The following PALM2AKAP2 variants were observed in gnomAD, a reference collection of about 807,000 sequenced individuals.
PALM2AKAP2 encodes PALM2 and AKAP2 fusion, also known as PALM2-AKAP2 fusion protein.
In PALM2AKAP2, 37 loss-of-function variants were observed where a neutral mutation model predicts 71.5. The ratio of observed to expected loss-of-function variants is 0.52; its 90% confidence interval spans 0.40 to 0.68. The LOEUF is 0.68. Ranked by LOEUF, PALM2AKAP2 falls within the 30% of genes least tolerant of loss-of-function variation. PALM2AKAP2 has a pLI of 0.00. For synonymous variants in PALM2AKAP2, 468 were observed against 478.8 expected, an observed-to-expected ratio of 0.98 and a Z score of 0.29; for missense variants, 1,224 against 1,191.8, an observed-to-expected ratio of 1.03 and a Z score of -0.40.
intron 1 of PALM2AKAP2, among the ~76,000 whole-genome samples, chr9:109,667,052 AC>A (rs1356045607): frequency 6.6e-6 from 1 of 152,218 alleles, no homozygotes; most frequent in Non-Finnish European, 1.5e-5. Context: ...GCATCTAAGT[AC>A]CAGGATTCAG....
intron 1 of PALM2AKAP2, among the ~76,000 whole-genome samples, chr9:109,824,702 A>G (rs1828097305): frequency 1.3e-5 from 2 of 152,230 alleles, no homozygotes; most frequent in Admixed American, 1.3e-4. Context: ...TAGGTCATTC[A>G]AAAACAGGCA....
chr9:109,765,688 G>A (rs1829140746), intron 1 of PALM2AKAP2: 1 of 152,208 alleles, frequency 6.6e-6, no homozygotes, highest in Non-Finnish European at 1.5e-5. Context: ...GCCTTGATCT[G>A]TGCTTCTCAA....
intron 7 of PALM2AKAP2, among the ~76,000 whole-genome samples, chr9:110,036,931 T>C (rs182334086): frequency 3.6e-4 from 55 of 152,304 alleles, no homozygotes; most frequent in Middle Eastern, 3.4e-3. Context: ...TTCTTGACCA[T>C]TACATAAAAT....
chr9:109,821,990 A>G (rs1003514034), intron 1 of PALM2AKAP2, among the ~76,000 whole-genome samples: 16 of 152,342 alleles, frequency 1.1e-4, no homozygotes, highest in African/African-American at 3.8e-4. Context: ...TCTCTTATTC[A>G]TCCACTGCCC....
chr9:110,119,203 T>C (rs1228518706), intron 1 of PALM2AKAP2, among the ~76,000 whole-genome samples: 2 of 150,950 alleles, frequency 1.3e-5, no homozygotes, highest in Admixed American at 1.3e-4. Context: ...ATTAGCTGGG[T>C]GTGGTGGTGG....
intron 1 of PALM2AKAP2, among the ~76,000 whole-genome samples, chr9:109,682,696 G>A (rs931002284): frequency 6.6e-6 from 1 of 152,126 alleles, no homozygotes; most frequent in Non-Finnish European, 1.5e-5. Flanking sequence ...TTCTCTGTCA[G>A]GTTTCCAGAA....
At chr9:109,747,704 C>T (rs890434275) in intron 1 of PALM2AKAP2, among the ~76,000 whole-genome samples, 1 of 152,090 alleles carries the variant, frequency 6.6e-6, no homozygotes, top group Non-Finnish European at 1.5e-5. Context: ...GAGTCTCACT[C>T]TGTCACCCAG....
intron 2 of PALM2AKAP2, among the ~76,000 whole-genome samples, chr9:109,873,065 T>G (rs926683364): frequency 6.6e-6 from 1 of 151,100 alleles, no homozygotes; most frequent in Admixed American, 6.6e-5. Context: ...AAGGAAAGAG[T>G]GGGAAGGATA....
At chr9:109,719,307 A>G (rs1828372199) in intron 1 of PALM2AKAP2, among the ~76,000 whole-genome samples, 1 of 152,224 alleles carries the variant, frequency 6.6e-6, no homozygotes, top group Admixed American at 6.5e-5. Context: ...GGTACAATAC[A>G]TGAGAGCACT....
At chr9:110,085,357 G>A (rs1165168719) in intron 1 of PALM2AKAP2, among the ~76,000 whole-genome samples, 1 of 152,168 alleles carries the variant, frequency 6.6e-6, no homozygotes, top group Non-Finnish European at 1.5e-5. Flanking sequence ...TGGGATACAG[G>A]AAACCAGGGA....
chr9:109,926,301 A>C (rs536553544), intron 5 of PALM2AKAP2, among the ~76,000 whole-genome samples: 1 of 152,342 alleles, frequency 6.6e-6, no homozygotes, highest in East Asian at 1.9e-4. Flanking sequence ...CCCTAGCAAG[A>C]GACCTGGATT....
At chr9:109,672,819 C>T (rs772786474) in intron 1 of PALM2AKAP2, among the ~76,000 whole-genome samples, 13 of 151,698 alleles carry the variant, frequency 8.6e-5, no homozygotes, top group African/African-American at 2.4e-4. Context: ...CATTTCTTCC[C>T]GGATCAGTCT....
chr9:109,953,855 A>AAAG (rs397963535), intron 6 of PALM2AKAP2, among the ~76,000 whole-genome samples: 1 of 150,606 alleles, frequency 6.6e-6, no homozygotes, highest in African/African-American at 2.4e-5. Context: ...AAAAAAAAAA[A>AAAG]GAAAAGAAAG....
rs7850586 is a variant in PALM2AKAP2, at chr9:109,703,506, C to G, written c.5+62640C>G. On this transcript the variant is annotated intron_variant, in intron 1 of 6. Coordinates refer to the PALM2AKAP2 transcript ENST00000374531. ...GTCTTACAGTGGTATTTTATAATGG[C>G]AAAATTTTTGGCAAGTTTCACAAGT... is the stretch of plus-strand genomic sequence containing the variant. 2.2e-3 allele frequency among the ~76,000 whole-genome samples: 340 copies of G among 151,962 alleles called. 1 individual carries two copies. Among genetic ancestry groups the G allele is most frequent in the African/African-American group, 7.8e-3 (323 of 41,442 alleles).
At chr9:109,975,493 C>T (rs1321352492) in intron 6 of PALM2AKAP2, among the ~76,000 whole-genome samples, 1 of 152,250 alleles carries the variant, frequency 6.6e-6, no homozygotes, top group Admixed American at 6.5e-5. Context: ...CTTTTGGAAA[C>T]ACCTTCACAG....
At chr9:109,782,744 T>TTGTGTGTGTGTGTGTG (rs71492863) in intron 1 of PALM2AKAP2, among the ~76,000 whole-genome samples, 11 of 144,306 alleles carry the variant, frequency 7.6e-5, no homozygotes, top group South Asian at 4.4e-4. Context: ...GTGTGTTTGT[T>TTGTGTGTGTGTGTGTG]TGTGTGTGTG....
At chr9:109,863,562 G>C (rs745871197) in intron 1 of PALM2AKAP2, among the ~76,000 whole-genome samples, 4 of 152,062 alleles carry the variant, frequency 2.6e-5, no homozygotes, top group Non-Finnish European at 5.9e-5. Flanking sequence ...GAGAATGAAG[G>C]CCCGAAGAGT....
chr9:109,662,918 T>G (rs922299484), intron 1 of PALM2AKAP2, among the ~76,000 whole-genome samples: 14 of 152,188 alleles, frequency 9.2e-5, no homozygotes, highest in African/African-American at 3.4e-4. Context: ...GTCCAGGAAT[T>G]TATCCATTTC....
At chr9:109,728,154 G>C (rs993706392) in intron 1 of PALM2AKAP2, among the ~76,000 whole-genome samples, 10 of 152,214 alleles carry the variant, frequency 6.6e-5, no homozygotes, top group Admixed American at 6.5e-4. Context: ...GGATAGCTTA[G>C]AATATCTTTT....
Sources: gnomAD v4.1 joint callset for allele counts (sites outside exome capture counted in the v4.1 genomes callset) on GRCh38, gnomAD v4.1.1 for gene constraint, MANE v1.5 for transcripts, NCBI Gene and HGNC (gene_info 2026-07-23, HGNC 2026-07-21) for gene names.